The following MED12L variants were observed in gnomAD, a reference collection of about 807,000 sequenced individuals.
The protein encoded by MED12L is mediator of RNA polymerase II transcription subunit 12-like protein.
A neutral mutation model predicts 281.3 loss-of-function variants in MED12L; 60 were observed. The ratio of observed to expected loss-of-function variants is 0.21; its 90% CI spans 0.17 to 0.26. The LOEUF (loss-of-function observed/expected upper bound fraction) is 0.26. Among genes scored for constraint, MED12L ranks in the 10% least tolerant of loss-of-function variants. The pLI is 1.00. For synonymous variants in MED12L, 974 were observed against 987.2 expected (o/e 0.99, Z 0.25); for missense variants, 2,146 against 2,680.9 (o/e 0.80, Z 4.41).
intron 39 of MED12L, among the ~76,000 whole-genome samples, chr3:151,403,328 C>T (rs916885098): frequency 1.3e-5 from 2 of 152,040 alleles, no homozygotes; most frequent in African/African-American, 4.8e-5. Context: ...TCATCTCAGT[C>T]CCAGTTTTGA....
At chr3:151,111,492 G>A (rs1711884685) in intron 2 of MED12L, among the ~76,000 whole-genome samples, 1 of 152,130 alleles carries the variant, frequency 6.6e-6, no homozygotes, top group Admixed American at 6.5e-5. Context: ...TGGAGTAGGG[G>A]GTTTAAATTC....
intron 16 of MED12L, among the ~76,000 whole-genome samples, chr3:151,273,026 G>A (rs2149567509): frequency 6.6e-6 from 1 of 152,092 alleles, no homozygotes; most frequent in Admixed American, 6.5e-5. Flanking sequence ...TTCAGATTAG[G>A]GATTCTCATC....
chr3:151,171,204 T>G (rs1201046307), intron 11 of MED12L, among the ~76,000 whole-genome samples: 1 of 152,218 alleles, frequency 6.6e-6, no homozygotes, highest in Non-Finnish European at 1.5e-5. Flanking sequence ...GGAGTCGTTA[T>G]GTGGACAGTG....
intron 16 of MED12L, among the ~76,000 whole-genome samples, chr3:151,216,156 A>T (rs117038334): frequency 0.027 from 4,068 of 152,250 alleles, 146 homozygotes; most frequent in East Asian, 0.18. Context: ...TTACTCTTGA[A>T]TTCTTTGCAT....
chr3:151,398,039 G>C (rs939685292), intron 39 of MED12L, among the ~76,000 whole-genome samples: 1 of 152,122 alleles, frequency 6.6e-6, no homozygotes, highest in Non-Finnish European at 1.5e-5. Flanking sequence ...ATACTATTTT[G>C]TATTATCCTT....
intron 16 of MED12L, chr3:151,269,656 A>C (rs549604707): frequency 2.5e-6 from 1 of 398,480 alleles, no homozygotes; most frequent in African/African-American, 2.1e-5. Flanking sequence ...TTGAAGTGAC[A>C]GAATTTGGAG....
intron 27 of MED12L, among the ~76,000 whole-genome samples, chr3:151,374,810 A>G (rs965517947): frequency 6.6e-6 from 1 of 152,134 alleles, no homozygotes; most frequent in African/African-American, 2.4e-5. Flanking sequence ...TTCAAAAGTG[A>G]AACTATACAA....
intron 16 of MED12L, chr3:151,337,699 C>T: frequency 1.9e-6 from 2 of 1,028,484 alleles, no homozygotes; most frequent in Admixed American, 2.4e-5. Context: ...TCTTCTGTTT[C>T]TTTAGAGTCA....
At chr3:151,166,234 C>A (rs1280599897) in intron 11 of MED12L, among the ~76,000 whole-genome samples, 1 of 152,172 alleles carries the variant, frequency 6.6e-6, no homozygotes, top group Non-Finnish European at 1.5e-5. Flanking sequence ...TTTACCATCA[C>A]TTTCCAATTT....
At chr3:151,147,164 TCA>T (rs1717860687) in intron 5 of MED12L, among the ~76,000 whole-genome samples, 1 of 152,188 alleles carries the variant, frequency 6.6e-6, no homozygotes, top group Non-Finnish European at 1.5e-5. Context: ...AACCATTGAC[TCA>T]CAGTCACTCT....
At chr3:151,319,474 T>C (rs1348836567) in intron 16 of MED12L, among the ~76,000 whole-genome samples, 260 of 66,218 alleles carry the variant, frequency 3.9e-3, no homozygotes, top group African/African-American at 0.014. Flanking sequence ...TGTGCGTGTG[T>C]GTGTGTGTGT....
At chr3:151,351,341 T>C (rs1228953053) in intron 17 of MED12L, among the ~76,000 whole-genome samples, 1 of 152,214 alleles carries the variant, frequency 6.6e-6, no homozygotes, top group Non-Finnish European at 1.5e-5. Flanking sequence ...TCAGAGGTGA[T>C]AGTCCTCAGA....
At chr3:151,371,566 A>G (rs1179007147) in intron 26 of MED12L, among the ~76,000 whole-genome samples, 3 of 152,166 alleles carry the variant, frequency 2.0e-5, no homozygotes, top group Non-Finnish European at 2.9e-5. Flanking sequence ...CATTTTTTTC[A>G]GCAAAGTCAA....
At chr3:151,228,106 T>C (rs1045261093) in intron 16 of MED12L, among the ~76,000 whole-genome samples, 1 of 152,210 alleles carries the variant, frequency 6.6e-6, no homozygotes, top group African/African-American at 2.4e-5. Flanking sequence ...GTAATCTGTA[T>C]GCTAAGGTCT....
intron 39 of MED12L, among the ~76,000 whole-genome samples, chr3:151,408,392 T>C (rs1716575097): frequency 6.6e-6 from 1 of 152,206 alleles, no homozygotes; most frequent in South Asian, 2.1e-4. Flanking sequence ...AACTATAATT[T>C]AGCACTTTTT....
chr3:151,157,215 A>AT (rs886802835), intron 6 of MED12L, among the ~76,000 whole-genome samples: 2 of 152,074 alleles, frequency 1.3e-5, no homozygotes, highest in African/African-American at 4.8e-5. Flanking sequence ...AGAATTACGT[A>AT]TTAGGAGTAT....
chr3:151,199,983 AAAAC>A (rs968230959), intron 16 of MED12L, among the ~76,000 whole-genome samples: 5 of 152,212 alleles, frequency 3.3e-5, no homozygotes, highest in African/African-American at 4.8e-5. Context: ...AAAAACCAAA[AAAAC>A]AAACAAAAAA....
intron 8 of MED12L, 25 bp downstream of exon 8, chr3:151,160,126 T>G: frequency 6.7e-7 from 1 of 1,486,908 alleles, no homozygotes; most frequent in Non-Finnish European, 9.0e-7. Flanking sequence ...CTTGTTATTT[T>G]ATGTTAAAAT....
At chr3:151,263,547 C>G (rs1307934369) in intron 16 of MED12L, among the ~76,000 whole-genome samples, 2 of 152,120 alleles carry the variant, frequency 1.3e-5, no homozygotes, top group Non-Finnish European at 2.9e-5. Flanking sequence ...ATATCATGAG[C>G]TTTACGTGTT....
Sources: allele counts gnomAD v4.1 joint callset (sites outside exome capture counted in the v4.1 genomes callset), GRCh38; gene constraint gnomAD v4.1.1; transcripts MANE v1.5; gene names NCBI Gene and HGNC (gene_info 2026-07-23, HGNC 2026-07-21).